Variants in PTPRD observed in about 807,000 individuals in gnomAD.
PTPRD encodes the protein receptor-type tyrosine-protein phosphatase delta.
In PTPRD, 34 loss-of-function variants were observed where a neutral mutation model predicts 214.5. The observed-to-expected ratio is 0.16, with a 90% confidence interval of 0.12 to 0.21. PTPRD has a LOEUF of 0.21. PTPRD is among the 10% of genes least tolerant of loss of function. PTPRD has a pLI of 1.00. For synonymous variants in PTPRD, 1,128 were observed against 845.7 expected (o/e 1.33, Z -5.79); for missense variants, 2,545 against 2,398.7 (o/e 1.06, Z -1.27).
chr9:9,680,696 T>A (rs1335517879), intron 7 of PTPRD, among the ~76,000 whole-genome samples: 1 of 151,298 alleles, frequency 6.6e-6, no homozygotes, highest in Non-Finnish European at 1.5e-5. Context: ...CCTCCCACCA[T>A]CTCCTCCTAG....
intron 2 of PTPRD, among the ~76,000 whole-genome samples, chr9:10,597,219 C>T (rs575638261): frequency 1.3e-5 from 2 of 151,524 alleles, no homozygotes; most frequent in Non-Finnish European, 3.0e-5. Flanking sequence ...CAATTTCTCT[C>T]CAAAATATGT....
At chr9:8,903,638 C>A (rs752841659) in intron 11 of PTPRD, among the ~76,000 whole-genome samples, 2 of 151,928 alleles carry the variant, frequency 1.3e-5, no homozygotes, top group African/African-American at 4.8e-5. Context: ...AAAATAAAAA[C>A]GAATAAAAAT....
rs1240381742 is a variant in PTPRD, at chr9:8,485,938, T to A, written c.2879A>T (p.Asp960Val). ...CATCGGGAGAAGGGGGATGTTGATA[T>A]CCCTATAAAGAAGGGTATACTTGGT... is the stretch of plus-strand genomic sequence containing the variant. The part of the protein sequence containing the change: ...IITKYTLLYR[D>V]INIPLLPMEQ... Residue 960 changes from aspartate to valine, a missense_variant, in exon 28 of 46, where the codon GAT becomes GTT. Asp to Val is a radical substitution (Grantham distance 152). Transcript: ENST00000381196. 1.2e-6 allele frequency: 2 copies of A among 1,614,182 alleles called. No homozygotes were observed. The highest frequency in any genetic ancestry group is 1.7e-6 in the Non-Finnish European group (2 of 1,180,028).
At chr9:8,470,329 A>T (rs2096627582) in intron 31 of PTPRD, among the ~76,000 whole-genome samples, 1 of 152,088 alleles carries the variant, frequency 6.6e-6, no homozygotes, top group African/African-American at 2.4e-5. Flanking sequence ...ACCTTTCAAA[A>T]ATGTCCTTAT....
intron 39 of PTPRD, among the ~76,000 whole-genome samples, chr9:8,355,286 C>T (rs1387847171): frequency 6.6e-6 from 1 of 152,166 alleles, no homozygotes; most frequent in East Asian, 1.9e-4. Context: ...AAGCAAATGC[C>T]AGTATCACGC....
At chr9:9,206,631 AG>A in intron 9 of PTPRD, among the ~76,000 whole-genome samples, 1 of 152,200 alleles carries the variant, frequency 6.6e-6, no homozygotes, top group East Asian at 1.9e-4. Context: ...AGCAGACAAA[AG>A]AAGTTGGAAA....
At chr9:8,461,588 CA>C (rs1177614540) in intron 32 of PTPRD, among the ~76,000 whole-genome samples, 1 of 151,784 alleles carries the variant, frequency 6.6e-6, no homozygotes, top group East Asian at 1.9e-4. Context: ...CTTCTCACTC[CA>C]AACCACCATT....
intron 8 of PTPRD, among the ~76,000 whole-genome samples, chr9:9,398,781 G>C (rs1218371613): frequency 1.3e-5 from 2 of 151,822 alleles, no homozygotes; most frequent in African/African-American, 4.8e-5. Flanking sequence ...AGTGTTTTGA[G>C]GAACAGTGAT....
chr9:9,833,712 G>A (rs1043039192), intron 5 of PTPRD, among the ~76,000 whole-genome samples: 2 of 151,102 alleles, frequency 1.3e-5, no homozygotes, highest in African/African-American at 4.9e-5. Context: ...CTACCCCTAG[G>A]TGCACATTCT....
chr9:9,037,053 A>T (rs2099624112), intron 10 of PTPRD, among the ~76,000 whole-genome samples: 1 of 152,114 alleles, frequency 6.6e-6, no homozygotes, highest in Admixed American at 6.6e-5. Context: ...ATAAAATTTC[A>T]TCTACACAAT....
At chr9:9,294,459 C>A (rs993070757) in intron 9 of PTPRD, among the ~76,000 whole-genome samples, 3 of 151,762 alleles carry the variant, frequency 2.0e-5, no homozygotes, top group African/African-American at 4.8e-5. Context: ...TGTTGAACCT[C>A]TGACACCCTG....
intron 3 of PTPRD, among the ~76,000 whole-genome samples, chr9:10,123,187 G>A (rs1338889463): frequency 9.8e-5 from 15 of 152,326 alleles, no homozygotes. Flanking sequence ...TGAGAAAGGG[G>A]ACACAGTGAA....
chr9:8,751,179 A>G (rs2154462549), intron 11 of PTPRD, among the ~76,000 whole-genome samples: 1 of 152,200 alleles, frequency 6.6e-6, no homozygotes, highest in South Asian at 2.1e-4. Flanking sequence ...GCCCTACAAA[A>G]TCAAATGACT....
At chr9:9,869,287 A>G (rs2064829468) in intron 5 of PTPRD, among the ~76,000 whole-genome samples, 1 of 152,218 alleles carries the variant, frequency 6.6e-6, no homozygotes, top group Admixed American at 6.5e-5. Context: ...CAAATGCAGA[A>G]GAAATGTTGC....
chr9:9,178,465 C>A (rs1271389098), intron 10 of PTPRD, among the ~76,000 whole-genome samples: 2 of 151,892 alleles, frequency 1.3e-5, no homozygotes, highest in African/African-American at 4.8e-5. Flanking sequence ...TACCAAATAT[C>A]TTTTATTATC....
rs185970823 is a variant in PTPRD at position 8,995,046 on chromosome 9, G to C, written c.-104+23651C>G. ...AAGTAAAGGAAACATAGGAGACATG[G>C]GGGTAGAAAAACCTGTTCAAGACCA... On this transcript the variant is annotated intron_variant, in intron 11 of 45. Coordinates refer to ENST00000381196, the MANE Select transcript of PTPRD (RefSeq NM_002839.4). Among the ~76,000 whole-genome samples the C allele has an allele frequency of 2.6e-5, 4 of 152,092 alleles. No individual in the cohort carries two copies. The East Asian group carries it at 5.8e-4, about 22-fold the overall frequency.
At chr9:8,632,383 A>T (rs184523277) in intron 14 of PTPRD, among the ~76,000 whole-genome samples, 1 of 151,998 alleles carries the variant, frequency 6.6e-6, no homozygotes, top group South Asian at 2.1e-4. Flanking sequence ...CTTAATCTAC[A>T]TAAGTTCCTC....
intron 35 of PTPRD, among the ~76,000 whole-genome samples, chr9:8,407,534 C>A (rs947828727): frequency 7.9e-5 from 12 of 152,182 alleles, no homozygotes; most frequent in Non-Finnish European, 1.5e-5. Context: ...TACTACTTAA[C>A]TATCCAGAAT....
chr9:9,775,556 G>C (rs568643396), intron 5 of PTPRD, among the ~76,000 whole-genome samples: 1 of 152,288 alleles, frequency 6.6e-6, no homozygotes, highest in East Asian at 1.9e-4. Context: ...GATTCATGCA[G>C]CATTCAGAGG....
Sources: allele counts gnomAD v4.1 joint callset (sites outside exome capture counted in the v4.1 genomes callset), GRCh38; gene constraint gnomAD v4.1.1; transcripts MANE v1.5; gene names NCBI Gene and HGNC (gene_info 2026-07-23, HGNC 2026-07-21).